NCOA3: variants seen among roughly 807,000 people sequenced by gnomAD.
The protein encoded by NCOA3 is CBP-interacting protein.
In NCOA3, 51 loss-of-function variants were observed where a neutral mutation model predicts 158.8. That is an observed-to-expected ratio of 0.32 (90% CI 0.26 to 0.41). The LOEUF (loss-of-function observed/expected upper bound fraction) is 0.41. NCOA3 is among the 10% of genes least tolerant of loss of function. NCOA3 has a pLI of 1.00. For synonymous variants in NCOA3, 537 were observed against 592.4 expected, an observed-to-expected ratio of 0.91 and a Z score of 1.36; for missense variants, 1,510 against 1,746.6, an observed-to-expected ratio of 0.86 and a Z score of 2.41.
intron 2 of NCOA3, among the ~76,000 whole-genome samples, chr20:47,595,417 A>G (rs1366049297): frequency 6.6e-6 from 1 of 152,154 alleles, no homozygotes; most frequent in Non-Finnish European, 1.5e-5. Context: ...AATTTTTTAC[A>G]GGAGATATCT....
rs928725871 is a variant in NCOA3, at chr20:47,532,036, A to T, written c.-99+30017A>T. Among the ~76,000 whole-genome samples the T allele has an allele frequency of 2.6e-5, 4 of 152,012 alleles. 1 individual carries two copies. The highest frequency in any genetic ancestry group is 7.2e-5 in the African/African-American group (3 of 41,414). On this transcript the variant is annotated intron_variant, in intron 1 of 22. Transcript: ENST00000371998. ...ATTGAGTGCTAGCCATGTGTTGCCT[A>T]TTCCTTAGATGTTAGGAATATACCA... is the stretch of plus-strand genomic sequence containing the variant.
chr20:47,644,570 T>C (rs2086659360), intron 17 of NCOA3, among the ~76,000 whole-genome samples: 3 of 152,226 alleles, frequency 2.0e-5, no homozygotes. Context: ...ACTGTTCTTA[T>C]ATGTTAAGAG....
chr20:47,583,303 G>A (rs2085482659), intron 2 of NCOA3, 42 bp downstream of exon 2: 1 of 398,186 alleles, frequency 2.5e-6, no homozygotes. Context: ...GTAATTTTTT[G>A]TCTTCAACCT....
Position 47,639,990 on chromosome 20 carries a change from C to G in NCOA3, c.3019C>G (p.Leu1007Val). 6.2e-7 allele frequency: 1 copy of G among 1,614,216 alleles called. No individual in the cohort carries two copies. The highest frequency in any genetic ancestry group is 8.5e-7 in the Non-Finnish European group (1 of 1,180,038). The change falls in exon 16 of 23, where the codon CTG (leucine) becomes GTG (valine). Residue 1007 changes from leucine to valine, a missense_variant. Leu to Val is a conservative substitution (Grantham distance 32, BLOSUM62 1). Around this residue, in one of 4 missense-constraint regions of NCOA3, gnomAD observed 1,017 missense variants for 1,098.3 expected, o/e 0.93. Coordinates refer to ENST00000371998, the MANE Select transcript of NCOA3 (RefSeq NM_181659.3). ...TGGCCAAGCAGCAGCATCTAACCAA[C>G]TGGGTTCCTGGCCCGATGGCATGTT... The part of the protein sequence containing the change: ...PYGQAAASNQ[L>V]GSWPDGMLSM...
At chr20:47,529,093 GA>G (rs2084503965) in intron 1 of NCOA3, among the ~76,000 whole-genome samples, 3 of 150,192 alleles carry the variant, frequency 2.0e-5, no homozygotes, top group African/African-American at 7.3e-5. Flanking sequence ...TACTCAGGGT[GA>G]TACTCAACTC....
chr20:47,543,757 G>A (rs1488586061), intron 1 of NCOA3, among the ~76,000 whole-genome samples: 1 of 152,126 alleles, frequency 6.6e-6, no homozygotes, highest in Non-Finnish European at 1.5e-5. Context: ...TGATCCACCT[G>A]CCTTGTCCTC....
At chr20:47,579,687 G>A (rs1418097690) in intron 1 of NCOA3, among the ~76,000 whole-genome samples, 3 of 152,158 alleles carry the variant, frequency 2.0e-5, no homozygotes, top group Non-Finnish European at 2.9e-5. Context: ...ACACTTCCTT[G>A]GAGGGGAGAA....
chr20:47,503,157 T>C (rs942931756), intron 1 of NCOA3, among the ~76,000 whole-genome samples: 1 of 152,190 alleles, frequency 6.6e-6, no homozygotes, highest in Non-Finnish European at 1.5e-5. Flanking sequence ...GTAAGATTGC[T>C]GCATCTCTTT....
At position 47,653,520 on chromosome 20, in the gene NCOA3, G is replaced by A. The variant is rs1206825435; in HGVS notation, c.*103G>A. 2.2e-6 allele frequency: 3 copies of A among 1,385,946 alleles called. No homozygotes were observed. The highest frequency in any genetic ancestry group is 1.9e-5 in the Admixed American group (1 of 51,996). 85.9% of individuals were successfully genotyped at this position (1,385,946 alleles called of 1,614,324 possible). A position where few individuals can be genotyped will look rare whatever the true frequency, so the allele number is the denominator to read the frequency against. On this transcript the variant is annotated 3_prime_UTR_variant, in exon 23 of 23. Transcript: ENST00000371998. ...TTCCAGGCATCCATCTTGGAAGAAA[G>A]GACCAGCTTTGAGCTCCATCAAGGG...
intron 1 of NCOA3, among the ~76,000 whole-genome samples, chr20:47,549,341 G>A (rs2425964): frequency 0.26 from 38,925 of 151,120 alleles, 5,150 homozygotes; most frequent in Middle Eastern, 0.3. Flanking sequence ...GGGCAACATG[G>A]CAAGACCCCA....
rs1360662254 is a variant in NCOA3 at position 47,501,889 on chromosome 20, C to T, written c.-229C>T. On this transcript the variant is annotated 5_prime_UTR_variant, in exon 1 of 23. Coordinates refer to ENST00000371998, the MANE Select transcript of NCOA3 (RefSeq NM_181659.3). ...AGTGGCCCCCGTGCGGCGACTTTAG[C>T]TGCTGCTGTCTCAGCCGCTCCACAG... The T allele has an allele frequency of 7.5e-6, 3 of 398,776 alleles. No homozygotes were observed. The highest frequency in any genetic ancestry group is 1.3e-5 in the Non-Finnish European group (3 of 226,066). 24.7% of individuals were successfully genotyped at this position (398,776 alleles called of 1,614,324 possible). A position where few individuals can be genotyped will look rare whatever the true frequency, so the allele number is the denominator to read the frequency against.
At chr20:47,554,473 C>G (rs2084971081) in intron 1 of NCOA3, among the ~76,000 whole-genome samples, 1 of 151,984 alleles carries the variant, frequency 6.6e-6, no homozygotes, top group Non-Finnish European at 1.5e-5. Flanking sequence ...AGTCCTTGCC[C>G]AAAATCTCCT....
chr20:47,629,591 A>G (rs2086381021), intron 8 of NCOA3, among the ~76,000 whole-genome samples: 1 of 152,134 alleles, frequency 6.6e-6, no homozygotes, highest in Non-Finnish European at 1.5e-5. Flanking sequence ...TCGGCCTCCC[A>G]AAGTGTTGGG....
At chr20:47,523,749 G>A (rs113111530) in intron 1 of NCOA3, among the ~76,000 whole-genome samples, 57 of 152,326 alleles carry the variant, frequency 3.7e-4, no homozygotes, top group African/African-American at 1.3e-3. Context: ...CGGACTCAGC[G>A]ATAGTGAAAC....
rs577429270 is a variant in NCOA3, at chr20:47,644,917, C to T, written c.3253-2156C>T. Among the ~76,000 whole-genome samples, 16 of 151,858 alleles carry T rather than the reference C, an allele frequency of 1.1e-4. 1 individual carries two copies. In the South Asian group the frequency reaches 2.7e-3, roughly 26 times the overall value. ...TTCACCATATTGGCCAGGCTGGTCTCGAACTCCTGACCTCGTGATCCACCT... is the reference window on the plus strand; with the variant it reads ...TTCACCATATTGGCCAGGCTGGTCTTGAACTCCTGACCTCGTGATCCACCT... On this transcript the variant is annotated intron_variant, in intron 17 of 22. Coordinates refer to ENST00000371998, the MANE Select transcript of NCOA3 (RefSeq NM_181659.3).
At chr20:47,648,372 T>C (rs2086726306) in intron 18 of NCOA3, among the ~76,000 whole-genome samples, 1 of 152,208 alleles carries the variant, frequency 6.6e-6, no homozygotes, top group Admixed American at 6.5e-5. Context: ...TCAGAATTCC[T>C]CTGATCAACT....
intron 1 of NCOA3, among the ~76,000 whole-genome samples, chr20:47,509,143 A>G (rs935877415): frequency 6.6e-6 from 1 of 152,170 alleles, no homozygotes; most frequent in Non-Finnish European, 1.5e-5. Flanking sequence ...TCACACCTGT[A>G]ATCCCAGCAC....
intron 1 of NCOA3, among the ~76,000 whole-genome samples, chr20:47,576,966 CT>C (rs1287182891): frequency 2.0e-5 from 3 of 152,206 alleles, no homozygotes; most frequent in Non-Finnish European, 2.9e-5. Flanking sequence ...GCTTGAATGC[CT>C]GTTTTGGTAA....
At position 47,655,167 on chromosome 20, in the gene NCOA3, C is replaced by CCCCTACCACTTTTCTGCT. The variant is rs2086853272; in HGVS notation, c.*1751_*1768dup. ...CCTTTTAAACCCCTCCCTCTTCTGC[C>CCCCTACCACTTTTCTGCT]CCCTACCACTTTTCTGCTGTTGCCT... On this transcript the variant is annotated 3_prime_UTR_variant, in exon 23 of 23. Transcript: ENST00000371998. 6.6e-6 allele frequency: 1 copy of CCCCTACCACTTTTCTGCT among 152,202 alleles called. No homozygotes were observed. The highest frequency in any genetic ancestry group is 2.4e-5 in the African/African-American group (1 of 41,434). The allele number at this position is 152,202 out of a possible 1,614,324, so 9.4% of individuals were successfully genotyped here. A position where few individuals can be genotyped will look rare whatever the true frequency, so the allele number is the denominator to read the frequency against.
Sources: gnomAD v4.1 joint callset for allele counts (sites outside exome capture counted in the v4.1 genomes callset) on GRCh38, gnomAD v4.1.1 for gene constraint, gnomAD v4.1.1 regional missense constraint, MANE v1.5 for transcripts, NCBI Gene and HGNC (gene_info 2026-07-23, HGNC 2026-07-21) for gene names.